Variants in CSMD1 observed in about 807,000 individuals in gnomAD.
The protein encoded by CSMD1 is CUB and sushi domain-containing protein 1.
CSMD1 carries 213 observed loss-of-function variants against 417.5 expected under a neutral mutation model. The observed-to-expected ratio is 0.51, with a 90% confidence interval of 0.46 to 0.57. The LOEUF (loss-of-function observed/expected upper bound fraction) is 0.57. Among genes scored for constraint, CSMD1 ranks in the 20% least tolerant of loss-of-function variants. The pLI is 0.00. For missense variants in CSMD1, 6,923 were observed against 4,529.7 expected (o/e 1.53, Z -15.17); for synonymous variants, 2,862 against 1,736.8 (o/e 1.65, Z -16.11).
chr8:3,339,591 A>G (rs949003169), intron 23 of CSMD1, among the ~76,000 whole-genome samples: 2 of 152,192 alleles, frequency 1.3e-5, no homozygotes, highest in East Asian at 1.9e-4. Context: ...CGGAAACCCT[A>G]TGTCAATATC....
intron 50 of CSMD1, among the ~76,000 whole-genome samples, chr8:3,043,096 A>G (rs1811217205): frequency 6.6e-6 from 1 of 151,398 alleles, no homozygotes; most frequent in Non-Finnish European, 1.5e-5. Context: ...GTAAACCTAC[A>G]GTACTAGGTC....
intron 3 of CSMD1, among the ~76,000 whole-genome samples, chr8:4,165,532 T>C (rs1797408733): frequency 2.0e-5 from 3 of 152,126 alleles, no homozygotes; most frequent in Admixed American, 2.0e-4. Flanking sequence ...GCCTGCCAAG[T>C]AGGTGGGACC....
intron 1 of CSMD1, among the ~76,000 whole-genome samples, chr8:4,937,815 G>T (rs930860967): frequency 2.6e-5 from 4 of 151,888 alleles, no homozygotes; most frequent in Non-Finnish European, 5.9e-5. Flanking sequence ...CAACTACAAA[G>T]TGTCAGAATT....
At chr8:4,798,088 G>A (rs1267239402) in intron 1 of CSMD1, among the ~76,000 whole-genome samples, 2 of 152,168 alleles carry the variant, frequency 1.3e-5, no homozygotes, top group African/African-American at 4.8e-5. Context: ...ATGTGTAAAT[G>A]TGCCATGTTG....
At chr8:4,868,829 C>T (rs140707458) in intron 1 of CSMD1, among the ~76,000 whole-genome samples, 1 of 151,612 alleles carries the variant, frequency 6.6e-6, no homozygotes, top group Admixed American at 6.6e-5. Context: ...ATCAGCTCCT[C>T]TACAAAATAG....
At chr8:4,402,228 G>T (rs1318500147) in intron 3 of CSMD1, among the ~76,000 whole-genome samples, 1 of 151,876 alleles carries the variant, frequency 6.6e-6, no homozygotes, top group Non-Finnish European at 1.5e-5. Flanking sequence ...CTCTGTTTTG[G>T]GGGCTCATTC....
chr8:3,714,338 T>C (rs918215157), intron 6 of CSMD1, among the ~76,000 whole-genome samples: 1 of 150,884 alleles, frequency 6.6e-6, no homozygotes. Context: ...TACTAATCTT[T>C]TATATTTACC....
At chr8:4,392,729 G>T (rs948174943) in intron 3 of CSMD1, among the ~76,000 whole-genome samples, 5 of 151,746 alleles carry the variant, frequency 3.3e-5, no homozygotes, top group Non-Finnish European at 5.9e-5. Flanking sequence ...CAGCACTTTG[G>T]GAGGCTGAGG....
chr8:2,998,300 C>A, intron 53 of CSMD1, 116 bp from the exon 54 acceptor site: 1 of 996,964 alleles, frequency 1.0e-6, no homozygotes, highest in Non-Finnish European at 1.5e-6. Flanking sequence ...AGGTTTTCCA[C>A]TAACCAGGCA....
At chr8:3,695,667 T>C (rs1267301127) in intron 7 of CSMD1, among the ~76,000 whole-genome samples, 1 of 152,188 alleles carries the variant, frequency 6.6e-6, no homozygotes, top group Non-Finnish European at 1.5e-5. Context: ...TTAAAAATAA[T>C]GATTAGAAAG....
At chr8:4,351,857 C>A (rs1424092925) in intron 3 of CSMD1, among the ~76,000 whole-genome samples, 1 of 151,774 alleles carries the variant, frequency 6.6e-6, no homozygotes, top group Non-Finnish European at 1.5e-5. Context: ...GGACCCTGGT[C>A]ATTATATACG....
intron 1 of CSMD1, among the ~76,000 whole-genome samples, chr8:4,905,051 A>C (rs1805149110): frequency 1.3e-5 from 2 of 152,242 alleles, no homozygotes; most frequent in Non-Finnish European, 2.9e-5. Flanking sequence ...GGACCTTCTG[A>C]AGCTCTCAAA....
At chr8:3,084,194 C>T (rs1311426386) in intron 49 of CSMD1, among the ~76,000 whole-genome samples, 2 of 152,110 alleles carry the variant, frequency 1.3e-5, no homozygotes, top group South Asian at 2.1e-4. Flanking sequence ...CAAAGTGTTT[C>T]TACAACTTAG....
chr8:4,228,662 C>G (rs979257354), intron 3 of CSMD1, among the ~76,000 whole-genome samples: 4 of 148,808 alleles, frequency 2.7e-5, no homozygotes, highest in African/African-American at 9.9e-5. Context: ...AGATGACTAT[C>G]GATTGTTTTA....
intron 3 of CSMD1, among the ~76,000 whole-genome samples, chr8:4,172,552 G>A (rs1456366740): frequency 6.6e-6 from 1 of 152,018 alleles, no homozygotes; most frequent in South Asian, 2.1e-4. Flanking sequence ...GCAGTGGAAA[G>A]TGAGGCTCCA....
chr8:4,011,355 G>T (rs990728946), intron 4 of CSMD1, among the ~76,000 whole-genome samples: 3 of 152,166 alleles, frequency 2.0e-5, no homozygotes, highest in African/African-American at 7.2e-5. Flanking sequence ...CAATGTTATA[G>T]ACTTTTCTTT....
intron 3 of CSMD1, among the ~76,000 whole-genome samples, chr8:4,366,166 C>T (rs1802057076): frequency 6.6e-6 from 1 of 152,120 alleles, no homozygotes; most frequent in Admixed American, 6.5e-5. Flanking sequence ...TTTATGAGAA[C>T]ATGCAGCATT....
chr8:3,998,991 A>G (rs181972109), intron 4 of CSMD1, among the ~76,000 whole-genome samples: 1 of 147,372 alleles, frequency 6.8e-6, no homozygotes, highest in Non-Finnish European at 1.5e-5. Flanking sequence ...AAACTATATG[A>G]TAGTTTATAT....
intron 1 of CSMD1, among the ~76,000 whole-genome samples, chr8:4,967,259 T>C (rs1022511025): frequency 1.3e-5 from 2 of 152,194 alleles, no homozygotes; most frequent in Non-Finnish European, 2.9e-5. Context: ...TTAGGTTGAG[T>C]TTTTATCAAT....
Sources: allele counts gnomAD v4.1 joint callset (sites outside exome capture counted in the v4.1 genomes callset), GRCh38; gene constraint gnomAD v4.1.1; transcripts MANE v1.5; gene names NCBI Gene and HGNC (gene_info 2026-07-23, HGNC 2026-07-21).